GADL1: variants seen among roughly 807,000 people sequenced by gnomAD.
The protein encoded by GADL1 is acidic amino acid decarboxylase GADL1.
In GADL1, 71 loss-of-function variants were observed where a neutral mutation model predicts 69.5. That is an observed-to-expected ratio of 1.02 (90% CI 0.84 to 1.25). The LOEUF (loss-of-function observed/expected upper bound fraction) is 1.25, where lower values mean the gene tolerates loss of function less well. GADL1 is among the 50% of genes most tolerant of loss of function. The pLI, the probability that GADL1 is intolerant of heterozygous loss-of-function variation, is 0.00. For missense variants in GADL1, 737 were observed against 631.8 expected, an observed-to-expected ratio of 1.17 and a Z score of -1.79; for synonymous variants, 254 against 214.4, an observed-to-expected ratio of 1.18 and a Z score of -1.62.
At chr3:30,761,176 G>A (rs940806333) in intron 14 of GADL1, among the ~76,000 whole-genome samples, 7 of 152,146 alleles carry the variant, frequency 4.6e-5, no homozygotes. Context: ...TAAAATTCCA[G>A]CTTTCCTCTA....
intron 14 of GADL1, among the ~76,000 whole-genome samples, chr3:30,752,863 A>G (rs1695860560): frequency 6.6e-6 from 1 of 152,016 alleles, no homozygotes; most frequent in South Asian, 2.1e-4. Context: ...GTTCTCAAAT[A>G]ACTAAAAGTG....
intron 2 of GADL1, among the ~76,000 whole-genome samples, chr3:30,858,094 C>A (rs1321518251): frequency 6.6e-6 from 1 of 151,990 alleles, no homozygotes. Flanking sequence ...ACTTATCACC[C>A]TCTAATATAC....
intron 14 of GADL1, among the ~76,000 whole-genome samples, chr3:30,756,290 A>G (rs1390812386): frequency 6.6e-6 from 1 of 152,090 alleles, no homozygotes; most frequent in African/African-American, 2.4e-5. Context: ...TTCCTCCTAC[A>G]TAAGATGAGA....
Position 30,819,770 on chromosome 3 carries a change from A to G in GADL1, c.1050+14083T>C, listed in dbSNP as rs945273768. On this transcript the variant is annotated intron_variant, in intron 11 of 14. Transcript: ENST00000282538. ...TTAAAAATTAAGATTTCAGGCAGGA[A>G]TACAAGATAAAAATGAGATAAAAAT... 6.6e-5 allele frequency among the ~76,000 whole-genome samples: 10 copies of G among 152,252 alleles called. No individual in the cohort carries two copies. In the East Asian group the frequency reaches 1.9e-3, roughly 29 times the overall value.
chr3:30,734,778 A>G (rs113954118), intron 14 of GADL1, among the ~76,000 whole-genome samples: 1 of 152,338 alleles, frequency 6.6e-6, no homozygotes, highest in African/African-American at 2.4e-5. Context: ...GACATCTTAC[A>G]TACCAGACAT....
intron 14 of GADL1, among the ~76,000 whole-genome samples, chr3:30,769,812 C>A (rs1696376860): frequency 6.6e-6 from 1 of 152,320 alleles, no homozygotes; most frequent in South Asian, 2.1e-4. Context: ...AGAGCTCAAG[C>A]ATCCCTCAGT....
intron 14 of GADL1, among the ~76,000 whole-genome samples, chr3:30,755,543 C>T (rs1415766908): frequency 2.0e-5 from 3 of 152,104 alleles, no homozygotes; most frequent in Non-Finnish European, 4.4e-5. Flanking sequence ...GGAGGGCTAT[C>T]TCCTTTGCAA....
At chr3:30,776,129 T>C (rs998641488) in intron 14 of GADL1, among the ~76,000 whole-genome samples, 7 of 152,208 alleles carry the variant, frequency 4.6e-5, no homozygotes, top group Non-Finnish European at 1.0e-4. Context: ...TTAGCTTATA[T>C]ATCCATACTC....
intron 8 of GADL1, among the ~76,000 whole-genome samples, chr3:30,841,741 G>C (rs879756382): frequency 6.6e-6 from 1 of 152,158 alleles, no homozygotes; most frequent in Admixed American, 6.6e-5. Context: ...CACTAAGTGA[G>C]AAGCTGATGG....
chr3:30,748,027 A>T (rs891153812), intron 14 of GADL1, among the ~76,000 whole-genome samples: 6 of 152,232 alleles, frequency 3.9e-5, no homozygotes, highest in African/African-American at 1.4e-4. Flanking sequence ...CTACAAAAAA[A>T]TTCAACAGCA....
chr3:30,833,922 C>G lies in GADL1; in HGVS notation c.981G>C (p.Val327=), dbSNP rs527293572. Residue 327 remains valine (V), a synonymous_variant, in exon 11 of 15, where the codon GTG becomes GTC. Transcript: ENST00000282538. The part of the protein sequence containing the change: ...LLHGIHRADS[V]AWNPHKMLMA... ...TCAGCATCTTGTGTGGGTTCCAGGCCACAGAGTCAGCCCTATTGTTTAAAC... is the reference window on the plus strand; with the variant it reads ...TCAGCATCTTGTGTGGGTTCCAGGCGACAGAGTCAGCCCTATTGTTTAAAC... 1 of 1,612,202 alleles carries G rather than the reference C, an allele frequency of 6.2e-7. No homozygotes were observed. Among genetic ancestry groups the G allele is most frequent in the African/African-American group, 1.3e-5 (1 of 74,892 alleles).
At chr3:30,799,611 T>G (rs1697119958) in intron 12 of GADL1, 1 of 152,220 alleles carries the variant, frequency 6.6e-6, no homozygotes, top group Non-Finnish European at 1.5e-5. Flanking sequence ...TCCTTGTTAC[T>G]TAGGCAAATT....
intron 1 of GADL1, among the ~76,000 whole-genome samples, chr3:30,883,278 T>C (rs940417834): frequency 1.3e-5 from 2 of 152,046 alleles, no homozygotes; most frequent in Non-Finnish European, 2.9e-5. Flanking sequence ...TTTTATATTT[T>C]TGGGTCTTGC....
At chr3:30,827,845 CAG>C (rs551923580) in intron 11 of GADL1, among the ~76,000 whole-genome samples, 2 of 152,030 alleles carry the variant, frequency 1.3e-5, no homozygotes, top group South Asian at 2.1e-4. Context: ...AGCCCAGACA[CAG>C]AGAATGATTT....
intron 1 of GADL1, among the ~76,000 whole-genome samples, chr3:30,875,694 G>T (rs140301124): frequency 1.3e-5 from 2 of 151,812 alleles, no homozygotes; most frequent in Non-Finnish European, 1.5e-5. Flanking sequence ...GCCCTCTCGG[G>T]TGGTTTCCTA....
At chr3:30,808,924 C>G (rs1197998002) in intron 11 of GADL1, among the ~76,000 whole-genome samples, 1 of 152,202 alleles carries the variant, frequency 6.6e-6, no homozygotes, top group Non-Finnish European at 1.5e-5. Context: ...TCACCTCACT[C>G]TCCTGTGTCT....
chr3:30,783,209 T>A (rs757287280), intron 13 of GADL1, among the ~76,000 whole-genome samples: 1 of 151,758 alleles, frequency 6.6e-6, no homozygotes, highest in African/African-American at 2.4e-5. Flanking sequence ...GTGTAGACCT[T>A]GAGAAAAGAA....
intron 14 of GADL1, among the ~76,000 whole-genome samples, chr3:30,732,939 C>T (rs1695482408): frequency 6.6e-6 from 1 of 152,046 alleles, no homozygotes; most frequent in Non-Finnish European, 1.5e-5. Flanking sequence ...TCTTTGTAAT[C>T]CCAACTACTA....
intron 12 of GADL1, among the ~76,000 whole-genome samples, chr3:30,792,352 T>A (rs1696942211): frequency 6.6e-6 from 1 of 152,168 alleles, no homozygotes; most frequent in South Asian, 2.1e-4. Flanking sequence ...GTGGGCAGAT[T>A]GTTTGAGTCC....
Sources: gnomAD v4.1 joint callset for allele counts (sites outside exome capture counted in the v4.1 genomes callset) on GRCh38, gnomAD v4.1.1 for gene constraint, MANE v1.5 for transcripts, NCBI Gene and HGNC (gene_info 2026-07-23, HGNC 2026-07-21) for gene names.